CYP4Z1: variants seen among roughly 807,000 people sequenced by gnomAD.
CYP4Z1 encodes the protein cytochrome P450 4Z1.
A neutral mutation model predicts 54.2 loss-of-function variants in CYP4Z1; 41 were observed. The ratio of observed to expected loss-of-function variants is 0.76; its 90% confidence interval spans 0.59 to 0.98. The LOEUF (loss-of-function observed/expected upper bound fraction) is 0.98, where lower values mean the gene tolerates loss of function less well. Ranked by LOEUF, CYP4Z1 falls within the 50% of genes least tolerant of loss-of-function variation. CYP4Z1 has a pLI of 0.00. For missense variants in CYP4Z1, 513 were observed against 599.0 expected (o/e 0.86, Z 1.50); for synonymous variants, 163 against 206.2 (o/e 0.79, Z 1.79).
At chr1:47,099,934 T>A (rs4525083) in intron 8 of CYP4Z1, among the ~76,000 whole-genome samples, 62,571 of 151,328 alleles carry the variant, frequency 0.41, 14,200 homozygotes, top group East Asian at 0.97. Flanking sequence ...GAAAAATTGC[T>A]CATTACCAGC....
At chr1:47,100,544 G>A (rs368442583) in intron 8 of CYP4Z1, among the ~76,000 whole-genome samples, 40 of 152,240 alleles carry the variant, frequency 2.6e-4, no homozygotes, top group Admixed American at 4.6e-4. Flanking sequence ...AGTTGGTCAC[G>A]GTTGGTGTTG....
At chr1:47,109,798 A>G (rs972199648) in intron 9 of CYP4Z1, among the ~76,000 whole-genome samples, 5 of 151,960 alleles carry the variant, frequency 3.3e-5, no homozygotes, top group Admixed American at 2.0e-4. Context: ...TCTGCTTTTC[A>G]TAAGTTTTTT....
At chr1:47,108,827 G>T (rs1315145218) in intron 9 of CYP4Z1, among the ~76,000 whole-genome samples, 2 of 151,918 alleles carry the variant, frequency 1.3e-5, no homozygotes, top group African/African-American at 4.8e-5. Flanking sequence ...ACCACTGTCT[G>T]TGAGTAATTT....
chr1:47,063,388 C>T (rs1557617813), upstream of CYP4Z1, among the ~76,000 whole-genome samples: 1 of 151,734 alleles, frequency 6.6e-6, no homozygotes, highest in South Asian at 2.1e-4. Context: ...CAAACTAAGA[C>T]AAAATCTCTG....
chr1:47,056,644 T>C, the CYP4Z1 span, among the ~76,000 whole-genome samples: 1 of 152,232 alleles, frequency 6.6e-6, no homozygotes, highest in African/African-American at 2.4e-5. Context: ...TTAGCTCTTC[T>C]TGTTGAATTG....
At chr1:47,109,774 C>G (rs4926826) in intron 9 of CYP4Z1, among the ~76,000 whole-genome samples, 65,389 of 151,770 alleles carry the variant, frequency 0.43, 15,417 homozygotes, top group East Asian at 0.96. Flanking sequence ...AGATCAGTTG[C>G]AGGCAGTCAT....
At chr1:47,060,590 C>T in the CYP4Z1 span, among the ~76,000 whole-genome samples, 1 of 152,204 alleles carries the variant, frequency 6.6e-6, no homozygotes, top group Non-Finnish European at 1.5e-5. Context: ...GACTTAGACT[C>T]ACACACAATA....
rs990189434 is a variant in CYP4Z1 at position 47,095,958 on chromosome 1, C to A, written c.876+1289C>A. Among the ~76,000 whole-genome samples the A allele has an allele frequency of 5.0e-3, 756 of 151,934 alleles. 7 individuals are homozygous for A. Among genetic ancestry groups the A allele is most frequent in the African/African-American group, 0.017 (708 of 41,460 alleles). On this transcript the variant is annotated intron_variant, in intron 7 of 11. Transcript: ENST00000334194. ...AATAAATAGATACTCTGTGAGGGAC[C>A]AAAATAAATAAATACTCTGTGAACT... is the stretch of plus-strand genomic sequence containing the variant.
chr1:47,116,561 T>A, intron 10 of CYP4Z1, 89 bp from the exon 11 acceptor site: 3 of 809,344 alleles, frequency 3.7e-6, no homozygotes, highest in Non-Finnish European at 3.9e-6. Flanking sequence ...CTGTTAACAA[T>A]ATCTATGGAT....
At chr1:47,056,527 T>G in the CYP4Z1 span, among the ~76,000 whole-genome samples, 4 of 152,108 alleles carry the variant, frequency 2.6e-5, no homozygotes, top group Non-Finnish European at 5.9e-5. Context: ...GGGTGTTAAA[T>G]TCTCCCATTA....
chr1:47,103,738 G>T (rs1014137174), intron 8 of CYP4Z1, among the ~76,000 whole-genome samples: 1 of 151,764 alleles, frequency 6.6e-6, no homozygotes, highest in Non-Finnish European at 1.5e-5. Context: ...GGGATTACAG[G>T]CACATGCCAC....
At chr1:47,103,595 C>CTTTTTTTTTTTTTTTTTTTTTT (rs373166937) in intron 8 of CYP4Z1, among the ~76,000 whole-genome samples, 5 of 96,024 alleles carry the variant, frequency 5.2e-5, no homozygotes, top group Non-Finnish European at 4.0e-5. Context: ...TCTTTTTTTT[C>CTTTTTTTTTTTTTTTTTTTTTT]TTTTTTTTTT....
intron 2 of CYP4Z1, among the ~76,000 whole-genome samples, chr1:47,080,082 G>A (rs1353767979): frequency 6.7e-6 from 1 of 148,430 alleles, no homozygotes; most frequent in Admixed American, 6.7e-5. Context: ...ACATAAAGAT[G>A]TTGATGGAAT....
chr1:47,104,336 G>C (rs554090131), intron 8 of CYP4Z1, among the ~76,000 whole-genome samples: 2 of 152,212 alleles, frequency 1.3e-5, no homozygotes, highest in South Asian at 4.1e-4. Context: ...GGTCCCAGCA[G>C]TGGCTACAGT....
At chr1:47,082,751 A>G (rs1644564270) in intron 4 of CYP4Z1, among the ~76,000 whole-genome samples, 1 of 151,676 alleles carries the variant, frequency 6.6e-6, no homozygotes, top group African/African-American at 2.4e-5. Context: ...AGAAGAGCAA[A>G]GACACCCATA....
chr1:47,106,655 G>A (rs574655190), intron 9 of CYP4Z1, among the ~76,000 whole-genome samples: 2 of 152,212 alleles, frequency 1.3e-5, no homozygotes, highest in Non-Finnish European at 2.9e-5. Context: ...GGCAGGGCAT[G>A]TCACTGGAGC....
the CYP4Z1 span, among the ~76,000 whole-genome samples, chr1:47,057,327 G>GAAAAAAAAAAAAAAAAAAAA: frequency 2.5e-3 from 45 of 18,014 alleles, 12 homozygotes; most frequent in East Asian, 8.5e-3. Context: ...TACTTCTTAA[G>GAAAAAAAAAAAAAAAAAAAA]AAAAAAAAAT....
chr1:47,082,387 G>T lies in CYP4Z1; in HGVS notation c.418G>T (p.Val140Leu), dbSNP rs1288972235. The T allele has an allele frequency of 3.7e-6, 6 of 1,613,624 alleles. No homozygotes were observed. The highest frequency in any genetic ancestry group is 1.7e-4 in the Middle Eastern group (1 of 6,060). ...TAAATGGAAAAAGCACCGCCAGATT[G>T]TGAAACCTGGCTTCAACATCAGCAT... The part of the protein sequence containing the change: ...GSKWKKHRQI[V>L]KPGFNISILK... Residue 140 changes from valine to leucine, a missense_variant, in exon 4 of 12, where the codon GTG becomes TTG. Coordinates refer to ENST00000334194, the MANE Select transcript of CYP4Z1 (RefSeq NM_178134.3).
intron 8 of CYP4Z1, among the ~76,000 whole-genome samples, chr1:47,103,363 A>G (rs1320847454): frequency 1.3e-5 from 2 of 150,500 alleles, no homozygotes; most frequent in Non-Finnish European, 3.0e-5. Flanking sequence ...TTTTTAATAG[A>G]GATAGGATCT....
Sources: allele counts gnomAD v4.1 joint callset (sites outside exome capture counted in the v4.1 genomes callset), GRCh38; gene constraint gnomAD v4.1.1; transcripts MANE v1.5; gene names NCBI Gene and HGNC (gene_info 2026-07-23, HGNC 2026-07-21).